UNC5D: variants seen among roughly 807,000 people sequenced by gnomAD.
UNC5D encodes netrin receptor UNC5D.
A neutral mutation model predicts 105.4 loss-of-function variants in UNC5D; 39 were observed. That is an observed-to-expected ratio of 0.37 (90% CI 0.29 to 0.48). The LOEUF (loss-of-function observed/expected upper bound fraction) is 0.48. Ranked by LOEUF, UNC5D falls within the 20% of genes least tolerant of loss-of-function variation. The pLI is 0.98. For synonymous variants in UNC5D, 452 were observed against 450.4 expected (o/e 1.00, Z -0.04); for missense variants, 991 against 1,202.4 (o/e 0.82, Z 2.60).
At chr8:35,336,207 C>A (rs531727739) in intron 1 of UNC5D, among the ~76,000 whole-genome samples, 1 of 152,102 alleles carries the variant, frequency 6.6e-6, no homozygotes, top group African/African-American at 2.4e-5. Context: ...AATTTTGAAG[C>A]TGCTTCTTTG....
At chr8:35,635,238 C>G (rs1822290532) in intron 4 of UNC5D, among the ~76,000 whole-genome samples, 1 of 152,102 alleles carries the variant, frequency 6.6e-6, no homozygotes. Context: ...TCAGGTATCT[C>G]ATTTTGAGTA....
intron 8 of UNC5D, among the ~76,000 whole-genome samples, chr8:35,719,269 A>G (rs1293583220): frequency 6.6e-6 from 1 of 152,148 alleles, no homozygotes; most frequent in African/African-American, 2.4e-5. Context: ...CATGAAAGAG[A>G]ATCACTTCAA....
chr8:35,497,033 C>A (rs1686577865), intron 1 of UNC5D, among the ~76,000 whole-genome samples: 1 of 151,974 alleles, frequency 6.6e-6, no homozygotes, highest in South Asian at 2.1e-4. Flanking sequence ...TTTAATATAC[C>A]TTTTATATGA....
At chr8:35,789,117 A>C (rs1802888682) in intron 16 of UNC5D, among the ~76,000 whole-genome samples, 1 of 131,710 alleles carries the variant, frequency 7.6e-6, no homozygotes, top group Admixed American at 7.7e-5. Flanking sequence ...GAGCAAAATA[A>C]GACTGAGTGG....
intron 2 of UNC5D, among the ~76,000 whole-genome samples, chr8:35,566,885 G>T (rs1817377182): frequency 6.6e-6 from 1 of 152,306 alleles, no homozygotes; most frequent in South Asian, 2.1e-4. Flanking sequence ...TGTGAAGGCT[G>T]CTTCCCTGTT....
chr8:35,713,197 C>G (rs1828061969), intron 8 of UNC5D, among the ~76,000 whole-genome samples: 1 of 152,150 alleles, frequency 6.6e-6, no homozygotes, highest in Non-Finnish European at 1.5e-5. Context: ...GACATAAGCA[C>G]AGACACAAGT....
intron 3 of UNC5D, among the ~76,000 whole-genome samples, chr8:35,571,030 G>A (rs200125607): frequency 6.6e-6 from 1 of 152,082 alleles, no homozygotes; most frequent in South Asian, 2.1e-4. Context: ...TATACACATA[G>A]AGAGAGAGAA....
intron 1 of UNC5D, 58 bp downstream of exon 1, chr8:35,235,945 G>A (rs887173760): frequency 6.6e-6 from 8 of 1,210,716 alleles, no homozygotes; most frequent in Non-Finnish European, 7.2e-6. Flanking sequence ...CCAGCCTGAC[G>A]GAGCGGGACC....
chr8:35,706,016 T>G (rs1394865280), intron 8 of UNC5D, 55 bp downstream of exon 8: 1 of 1,169,772 alleles, frequency 8.5e-7, no homozygotes, highest in African/African-American at 1.6e-5. Flanking sequence ...GCTGCCTTGC[T>G]GTTGTATTTG....
At chr8:35,354,581 C>T (rs1048941294) in intron 1 of UNC5D, among the ~76,000 whole-genome samples, 2 of 152,020 alleles carry the variant, frequency 1.3e-5, no homozygotes, top group Non-Finnish European at 2.9e-5. Context: ...GTTAATGTAC[C>T]TTTACTAAGG....
At chr8:35,680,745 A>G (rs1021919463) in intron 4 of UNC5D, among the ~76,000 whole-genome samples, 3 of 152,098 alleles carry the variant, frequency 2.0e-5, no homozygotes, top group African/African-American at 4.8e-5. Flanking sequence ...TTTAGTTTCA[A>G]TCTTCAGGAG....
At chr8:35,546,561 G>A (rs1238522221) in intron 1 of UNC5D, among the ~76,000 whole-genome samples, 1 of 152,254 alleles carries the variant, frequency 6.6e-6, no homozygotes, top group East Asian at 1.9e-4. Flanking sequence ...TTTATCAAGT[G>A]GTCCTTTTAT....
At chr8:35,701,006 T>C (rs1482719284) in intron 7 of UNC5D, among the ~76,000 whole-genome samples, 2 of 152,148 alleles carry the variant, frequency 1.3e-5, no homozygotes, top group South Asian at 2.1e-4. Context: ...AACACATATC[T>C]TTTTGGGGGT....
chr8:35,538,204 A>T (rs186935409), intron 1 of UNC5D, among the ~76,000 whole-genome samples: 1 of 151,338 alleles, frequency 6.6e-6, no homozygotes, highest in Non-Finnish European at 1.5e-5. Flanking sequence ...AAGAGGGGGG[A>T]CATTCGTATC....
intron 1 of UNC5D, among the ~76,000 whole-genome samples, chr8:35,391,034 A>G (rs952472666): frequency 1.3e-5 from 2 of 152,170 alleles, no homozygotes; most frequent in African/African-American, 4.8e-5. Context: ...CTGTACTTTC[A>G]TCTGTGACTG....
intron 1 of UNC5D, among the ~76,000 whole-genome samples, chr8:35,321,707 G>GA (rs1177864178): frequency 6.6e-6 from 1 of 152,166 alleles, no homozygotes; most frequent in Non-Finnish European, 1.5e-5. Flanking sequence ...ATGACATGCT[G>GA]AAAACAGGAC....
chr8:35,382,981 A>T (rs1174794158), intron 1 of UNC5D, among the ~76,000 whole-genome samples: 1 of 152,210 alleles, frequency 6.6e-6, no homozygotes, highest in Non-Finnish European at 1.5e-5. Flanking sequence ...TAAACTTCAG[A>T]TGTTGGATTA....
chr8:35,372,837 A>T (rs1311818715), intron 1 of UNC5D, among the ~76,000 whole-genome samples: 1 of 152,120 alleles, frequency 6.6e-6, no homozygotes, highest in African/African-American at 2.4e-5. Context: ...TCTGGCCTCA[A>T]GTGATCCTCC....
At chr8:35,767,117 GA>G (rs748602434) in intron 15 of UNC5D, 51 bp downstream of exon 15, 1 of 1,548,854 alleles carries the variant, frequency 6.5e-7, no homozygotes, top group Non-Finnish European at 8.7e-7. Context: ...AGGACGATAA[GA>G]ATAATAAAGC....
Sources: gnomAD v4.1 joint callset for allele counts (sites outside exome capture counted in the v4.1 genomes callset) on GRCh38, gnomAD v4.1.1 for gene constraint, MANE v1.5 for transcripts, NCBI Gene and HGNC (gene_info 2026-07-23, HGNC 2026-07-21) for gene names.